SHANK1: variants seen among roughly 807,000 people sequenced by gnomAD.
SHANK1 encodes SH3 and multiple ankyrin repeat domains protein 1.
A neutral mutation model predicts 165.6 loss-of-function variants in SHANK1; 35 were observed. The observed-to-expected ratio is 0.21, with a 90% confidence interval of 0.16 to 0.28. The LOEUF is 0.28. Among genes scored for constraint, SHANK1 ranks in the 10% least tolerant of loss-of-function variants. The pLI is 1.00. For missense variants in SHANK1, 2,681 were observed against 3,036.4 expected (o/e 0.88, Z 2.75); for synonymous variants, 1,428 against 1,384.8 (o/e 1.03, Z -0.69).
At chr19:50,704,997 G>A (rs28619943) in intron 8 of SHANK1, among the ~76,000 whole-genome samples, 3,902 of 151,928 alleles carry the variant, frequency 0.026, 168 homozygotes, top group African/African-American at 0.087. Flanking sequence ...GGAGGCTGCA[G>A]TGAGCTGAGA....
intron 4 of SHANK1, 129 bp downstream of exon 4, chr19:50,715,530 T>C (rs780660923): frequency 5.0e-6 from 4 of 795,668 alleles, no homozygotes; most frequent in Non-Finnish European, 8.6e-6. Flanking sequence ...GCGGGGGCAG[T>C]GGCCAGAGGG....
chr19:50,687,002 C>A, intron 19 of SHANK1, 190 bp from the exon 20 acceptor site: 1 of 1,477,252 alleles, frequency 6.8e-7, no homozygotes. Context: ...TCCCGCCAGT[C>A]CTGTGCCCAC....
At chr19:50,704,798 T>TGGTG in intron 8 of SHANK1, among the ~76,000 whole-genome samples, 1 of 152,278 alleles carries the variant, frequency 6.6e-6, no homozygotes, top group East Asian at 1.9e-4. Context: ...CCAGGCGTGG[T>TGGTG]GGCTCAAGCC....
chr19:50,694,628 G>T, intron 15 of SHANK1, among the ~76,000 whole-genome samples: 2 of 133,578 alleles, frequency 1.5e-5, no homozygotes, highest in East Asian at 2.4e-4. Context: ...TGAGGGGGTG[G>T]AGGAAAAGAT....
chr19:50,702,523 G>A lies in SHANK1; in HGVS notation c.1691C>T (p.Ser564Phe). 3 of 1,613,342 alleles carry A rather than the reference G, an allele frequency of 1.9e-6. No individual in the cohort carries two copies. The highest frequency in any genetic ancestry group is 1.7e-6 in the Non-Finnish European group (2 of 1,179,900). The change falls in exon 12 of 24, where the codon TCC becomes TTC. Residue 564 changes from serine to phenylalanine, a missense_variant. Physicochemically the swap from Ser to Phe is radical, Grantham distance 155. Around this residue, in one of 10 missense-constraint regions of SHANK1, gnomAD observed 195 missense variants for 186.2 expected, o/e 1.05. Transcript: ENST00000293441. This position sits in a 1 kb window ranked among gnomAD's most constrained non-coding sequence, Gnocchi z 5.3. Reference protein sequence around the residue: ...VPGRSFMAVKSYQAQAEGEIS... With the variant: ...VPGRSFMAVKFYQAQAEGEIS... ...CTCCCCCTCGGCTTGGGCCTGGTAG[G>A]ACTTCACAGCCATGAAGGAGCGTCC...
At chr19:50,708,650 G>C (rs960627106) in intron 8 of SHANK1, among the ~76,000 whole-genome samples, 2 of 152,150 alleles carry the variant, frequency 1.3e-5, no homozygotes, top group African/African-American at 4.8e-5. Context: ...TCATTTGTTC[G>C]AGTCATTCAT....
In SHANK1 at chr19:50,704,101, C is replaced by T. The variant is rs534480705; in HGVS notation, c.1222+19G>A. On this transcript the variant is annotated intron_variant, in intron 10 of 23. Transcript: ENST00000293441. ...ACCGCCCCAGGTTCTCTGTGCAGTCCGAGCTCCCTGTCACTCACCCACATC... is the reference window on the plus strand; with the variant it reads ...ACCGCCCCAGGTTCTCTGTGCAGTCTGAGCTCCCTGTCACTCACCCACATC... 36 of 1,613,096 alleles carry T rather than the reference C, an allele frequency of 2.2e-5. No individual in the cohort carries two copies. Among genetic ancestry groups the T allele is most frequent in the African/African-American group, 1.1e-4 (8 of 74,718 alleles).
intron 23 of SHANK1, among the ~76,000 whole-genome samples, chr19:50,664,711 C>G (rs994119000): frequency 6.6e-6 from 1 of 152,190 alleles, no homozygotes; most frequent in African/African-American, 2.4e-5. Flanking sequence ...TGGCAGCTCA[C>G]CAAGGAAACA....
chr19:50,703,461 C>G (rs373918676), intron 11 of SHANK1, 39 bp downstream of exon 11: 17 of 1,493,982 alleles, frequency 1.1e-5, no homozygotes, highest in Admixed American at 1.0e-4. Flanking sequence ...GGGGATTTGA[C>G]GGGGCTGGGG....
At chr19:50,691,606 T>C (rs1986540934) in intron 15 of SHANK1, among the ~76,000 whole-genome samples, 1 of 152,224 alleles carries the variant, frequency 6.6e-6, no homozygotes, top group South Asian at 2.1e-4. Flanking sequence ...CCTTCACAGA[T>C]AGATCATTAA....
rs1280088833 is a variant in SHANK1, at chr19:50,670,449, C to T, written c.2675-1164G>A. Among the ~76,000 whole-genome samples, 1 of 152,170 alleles carries T rather than the reference C, an allele frequency of 6.6e-6. No homozygotes were observed. The highest frequency in any genetic ancestry group is 1.5e-5 in the Non-Finnish European group (1 of 68,038). On this transcript the variant is annotated intron_variant, in intron 22 of 23. Transcript: ENST00000293441. The surrounding 1 kb of genome is among the most constrained non-coding windows in gnomAD (Gnocchi z 4.1). Reference sequence around the variant, plus strand: ...TGGTCCCCCGGCTTCCCAGCTCATCCCCTTCAATCTAGTCCCTTCACAGCA... The same window carrying T: ...TGGTCCCCCGGCTTCCCAGCTCATCTCCTTCAATCTAGTCCCTTCACAGCA...
Position 50,669,107 on chromosome 19 carries a change from T to A in SHANK1, c.2853A>T (p.Gly951=). Reference sequence around the variant, plus strand: ...CACCAGAGCCAGGGTTGAAGGGCCCTCCCCGAGGGGAGGGGGTGAGGCGCC... The same window carrying A: ...CACCAGAGCCAGGGTTGAAGGGCCCACCCCGAGGGGAGGGGGTGAGGCGCC... ...SSGRLTPSPR[G]GPFNPGSGGP... is the part of the protein sequence containing the mutation. Residue 951 remains glycine, a synonymous_variant, in exon 23 of 24, where the codon GGA becomes GGT. Coordinates refer to ENST00000293441, the MANE Select transcript of SHANK1 (RefSeq NM_016148.5). 1 of 1,343,120 alleles carries A rather than the reference T, an allele frequency of 7.4e-7. No individual in the cohort carries two copies. Among genetic ancestry groups the A allele is most frequent in the African/African-American group, 1.6e-5 (1 of 60,880 alleles). The allele number at this position is 1,343,120 out of a possible 1,614,324, so 83.2% of individuals were successfully genotyped here. A position where few individuals can be genotyped will look rare whatever the true frequency, so the allele number is the denominator to read the frequency against.
At position 50,666,665 on chromosome 19, in the gene SHANK1, G is replaced by C. The variant is rs760250736; in HGVS notation, c.5295C>G (p.Ser1765Arg). The change falls in exon 23 of 24, where the codon AGC becomes AGG. Residue 1765 changes from serine to arginine, a missense_variant. Ser to Arg is a moderately radical substitution (Grantham distance 110, BLOSUM62 -1). Coordinates refer to ENST00000293441, the MANE Select transcript of SHANK1 (RefSeq NM_016148.5). ...SKLRGRALGA[S>R]GGLRPGPSGG... ...CGCTGGGGCCAGGCCGCAGGCCTCC[G>C]CTGGCTCCTAGCGCCCGGCCCCGGA... 1.3e-6 allele frequency: 2 copies of C among 1,588,374 alleles called. No individual in the cohort carries two copies. The highest frequency in any genetic ancestry group is 1.7e-6 in the Non-Finnish European group (2 of 1,171,088).
chr19:50,682,674 G>C (rs954545795), intron 21 of SHANK1, among the ~76,000 whole-genome samples: 1 of 152,132 alleles, frequency 6.6e-6, no homozygotes, highest in African/African-American at 2.4e-5. Flanking sequence ...ATACAGACTG[G>C]GGGGAGGCAT....
rs2089032455 is a variant in SHANK1, at chr19:50,713,484, G to T, written c.792+314C>A. On this transcript the variant is annotated intron_variant, in intron 6 of 23. Transcript: ENST00000293441. The surrounding 1 kb of genome is among the most constrained non-coding windows in gnomAD (Gnocchi z 6.2). ...ACTTCGTATTTTAAGGAATGAGAAGGGTTTACACCTTGGGGAGACAGAGGC... is the reference window on the plus strand; with the variant it reads ...ACTTCGTATTTTAAGGAATGAGAAGTGTTTACACCTTGGGGAGACAGAGGC... Among the ~76,000 whole-genome samples the T allele has an allele frequency of 6.6e-6, 1 of 152,048 alleles. No homozygotes were observed. Among genetic ancestry groups the T allele is most frequent in the Non-Finnish European group, 1.5e-5 (1 of 68,010 alleles).
At chr19:50,701,923 A>G (rs1305261935) in intron 12 of SHANK1, among the ~76,000 whole-genome samples, 1 of 152,184 alleles carries the variant, frequency 6.6e-6, no homozygotes, top group Non-Finnish European at 1.5e-5. Context: ...CATTTTGGGA[A>G]CCCTCGCCAC....
chr19:50,694,397 G>A (rs1986655365), intron 15 of SHANK1, among the ~76,000 whole-genome samples: 1 of 151,044 alleles, frequency 6.6e-6, no homozygotes, highest in Non-Finnish European at 1.5e-5. Flanking sequence ...CCAACACCGT[G>A]AAGAGGTGTG....
At chr19:50,675,070 A>G (rs1457300884) in intron 21 of SHANK1, among the ~76,000 whole-genome samples, 1 of 150,266 alleles carries the variant, frequency 6.7e-6, no homozygotes, top group Non-Finnish European at 1.5e-5. Flanking sequence ...TCAAAAAAAA[A>G]AAAAAAAAAA....
Position 50,704,495 on chromosome 19 carries a change from A to G in SHANK1, c.1097T>C (p.Leu366Pro). 6.2e-7 allele frequency: 1 copy of G among 1,614,132 alleles called. No homozygotes were observed. Among genetic ancestry groups the G allele is most frequent in the Non-Finnish European group, 8.5e-7 (1 of 1,180,012 alleles). Residue 366 changes from leucine to proline, a missense_variant, in exon 9 of 24, where the codon CTC (leucine) becomes CCC (proline). Leu to Pro is a moderately conservative substitution (Grantham distance 98, BLOSUM62 -3). Around this residue, in one of 10 missense-constraint regions of SHANK1, gnomAD observed 189 missense variants for 440.9 expected, o/e 0.43. Transcript: ENST00000293441. ...LYNKETCARI[L>P]LYRGADKDVK... ...ATCCTTGTCGGCACCTCGATACAGG[A>G]GGATCCTGGCACAGGTCTCCTGCGG...
Sources: gnomAD v4.1 joint callset for allele counts (sites outside exome capture counted in the v4.1 genomes callset) on GRCh38, gnomAD v4.1.1 for gene constraint, gnomAD v4.1.1 regional missense constraint, Gnocchi (gnomAD v3.1) non-coding constraint, MANE v1.5 for transcripts, NCBI Gene and HGNC (gene_info 2026-07-23, HGNC 2026-07-21) for gene names.